Variants in DDX21 observed in about 807,000 individuals in gnomAD.
The protein encoded by DDX21 is nucleolar RNA helicase 2.
In DDX21, 18 loss-of-function variants were observed where a neutral mutation model predicts 90.0. The observed-to-expected ratio is 0.20, with a 90% confidence interval of 0.14 to 0.30. The LOEUF (loss-of-function observed/expected upper bound fraction) is 0.30. Among genes scored for constraint, DDX21 ranks in the 10% least tolerant of loss-of-function variants. The probability of loss-of-function intolerance (pLI) is 1.00; values close to 1 mark genes in which losing one functional copy is unlikely to be tolerated. For missense variants in DDX21, 673 were observed against 944.5 expected (o/e 0.71, Z 3.77); for synonymous variants, 294 against 318.0 (o/e 0.92, Z 0.80).
At chr10:68,980,719 T>A (rs1356141170) in intron 13 of DDX21, among the ~76,000 whole-genome samples, 4 of 151,706 alleles carry the variant, frequency 2.6e-5, no homozygotes, top group Non-Finnish European at 4.4e-5. Context: ...TTAAAGATGG[T>A]GTCCTGGCTA....
Position 68,956,277 on chromosome 10 carries a change from A to G in DDX21, c.52A>G (p.Lys18Glu), listed in dbSNP as rs1842792162. The change falls in exon 1 of 15, where the codon AAA (lysine) becomes GAA (glutamate). Residue 18 changes from lysine (K) to glutamate (E), a missense_variant. Coordinates refer to ENST00000354185, the MANE Select transcript of DDX21 (RefSeq NM_004728.4). ...DAGLESDTAM[K>E]KGETLRKQTE... ...TGGTTTGGAATCAGACACCGCAATG[A>G]AAAAAGGGGAGACACTGCGAAAGCA... is the stretch of plus-strand genomic sequence containing the variant. 1.2e-6 allele frequency: 2 copies of G among 1,614,134 alleles called. No homozygotes were observed.
chr10:68,970,131 A>C (rs1843001171), intron 7 of DDX21, 70 bp from the exon 8 acceptor site: 1 of 1,426,002 alleles, frequency 7.0e-7, no homozygotes, highest in African/African-American at 1.4e-5. Context: ...GTGCTCACTG[A>C]TCATTGTGTT....
intron 11 of DDX21, 142 bp downstream of exon 11, chr10:68,974,885 C>G (rs1397852231): frequency 1.7e-6 from 1 of 591,660 alleles, no homozygotes; most frequent in Non-Finnish European, 2.9e-6. Context: ...CCAGGCTGGT[C>G]TCAACTCCTG....
intron 9 of DDX21, among the ~76,000 whole-genome samples, chr10:68,973,196 A>G (rs1295258463): frequency 6.6e-6 from 1 of 152,166 alleles, no homozygotes; most frequent in Non-Finnish European, 1.5e-5. Flanking sequence ...CTCTGTCTCA[A>G]AAGAAAAAAA....
At chr10:68,980,109 G>A (rs564389000) in intron 13 of DDX21, among the ~76,000 whole-genome samples, 26 of 152,034 alleles carry the variant, frequency 1.7e-4, no homozygotes, top group Non-Finnish European at 2.5e-4. Context: ...GGATAATGGC[G>A]CATGCCTGTA....
At chr10:68,980,837 A>G (rs1056768435) in intron 13 of DDX21, among the ~76,000 whole-genome samples, 1 of 150,946 alleles carries the variant, frequency 6.6e-6, no homozygotes, top group African/African-American at 2.4e-5. Context: ...TCTACCAAAA[A>G]AAAAAAAAAA....
In DDX21 at chr10:68,969,134, C is replaced by T. The variant is rs1348433978; in HGVS notation, c.1236+13C>T. The T allele has an allele frequency of 2.5e-6, 4 of 1,599,868 alleles. No individual in the cohort carries two copies. Among genetic ancestry groups the T allele is most frequent in the Non-Finnish European group, 3.4e-6 (4 of 1,176,660 alleles). On this transcript the variant is annotated intron_variant, in intron 7 of 14. Transcript: ENST00000354185. Reference sequence around the variant, plus strand: ...AATAACTGTGGAGGTAAATTATTTACTTAGTTGCCAGAATATAAAATTGTA... The same window carrying T: ...AATAACTGTGGAGGTAAATTATTTATTTAGTTGCCAGAATATAAAATTGTA...
rs770827405 is a variant in DDX21 at position 68,977,723 on chromosome 10, A to AT, written c.1902+38dup. Reference sequence around the variant, plus strand: ...TGCAGCACATTCCTGACACTTCATAATTTGGGGTATGAGCAGGATATGAAA... The same window carrying AT: ...TGCAGCACATTCCTGACACTTCATAATTTTGGGGTATGAGCAGGATATGAAA... On this transcript the variant is annotated intron_variant, in intron 12 of 14. Coordinates refer to ENST00000354185, the MANE Select transcript of DDX21 (RefSeq NM_004728.4). 6 of 1,576,752 alleles carry AT rather than the reference A, an allele frequency of 3.8e-6. No homozygotes were observed. The African/African-American group carries it at 6.8e-5, about 18-fold the overall frequency.
At chr10:68,981,875 A>C (rs986130661) in intron 14 of DDX21, among the ~76,000 whole-genome samples, 1 of 150,522 alleles carries the variant, frequency 6.6e-6, no homozygotes, top group Non-Finnish European at 1.5e-5. Context: ...GTGTGTGTGC[A>C]TGTGTGTGTG....
intron 1 of DDX21, among the ~76,000 whole-genome samples, chr10:68,958,657 TCC>T (rs1842832717): frequency 6.6e-6 from 1 of 152,130 alleles, no homozygotes; most frequent in Non-Finnish European, 1.5e-5. Flanking sequence ...CAGGATGGTC[TCC>T]TTCTCCTGAC....
At position 68,978,995 on chromosome 10, in the gene DDX21, T is replaced by C; in HGVS notation, c.2037+19T>C. ...AAAGCTGGTAAGGCTGGGGTCTCTG[T>C]TGTAACCTTGATGGGGCTTTATGTG... On this transcript the variant is annotated intron_variant, in intron 13 of 14. Transcript: ENST00000354185. 2 of 1,613,778 alleles carry C rather than the reference T, an allele frequency of 1.2e-6. No individual in the cohort carries two copies. The highest frequency in any genetic ancestry group is 1.3e-5 in the African/African-American group (1 of 75,002).
At chr10:68,976,512 C>T (rs1843103875) in intron 11 of DDX21, among the ~76,000 whole-genome samples, 1 of 152,218 alleles carries the variant, frequency 6.6e-6, no homozygotes, top group Admixed American at 6.5e-5. Flanking sequence ...TGGTCTCAAT[C>T]TCCTGACCTC....
intron 1 of DDX21, among the ~76,000 whole-genome samples, chr10:68,958,252 G>C (rs145623488): frequency 0.046 from 7,010 of 152,006 alleles, 531 homozygotes; most frequent in African/African-American, 0.16. Flanking sequence ...GGGATTACAG[G>C]TGTGAGCCAC....
In DDX21 at chr10:68,977,655, C is replaced by A. The variant is rs751106704; in HGVS notation, c.1869C>A (p.Ser623=). ...AALAHISGAT[S]VDQRSLINSN... ...TGGCCCATATTTCAGGTGCCACGTCCGTAGACCAGCGCTCCTTGATCAACT... is the reference window on the plus strand; with the variant it reads ...TGGCCCATATTTCAGGTGCCACGTCAGTAGACCAGCGCTCCTTGATCAACT... Residue 623 remains serine (S), a synonymous_variant, in exon 12 of 15, where the codon TCC becomes TCA. Coordinates refer to ENST00000354185, the MANE Select transcript of DDX21 (RefSeq NM_004728.4). 6.2e-7 allele frequency: 1 copy of A among 1,613,254 alleles called. No homozygotes were observed. The highest frequency in any genetic ancestry group is 1.3e-5 in the African/African-American group (1 of 75,036).
intron 14 of DDX21, 119 bp from the exon 15 acceptor site, chr10:68,982,424 G>T (rs987076963): frequency 3.4e-5 from 47 of 1,376,916 alleles, no homozygotes; most frequent in Middle Eastern, 2.4e-4. Flanking sequence ...CCAGTGACTT[G>T]TTAAGCACTT....
At chr10:68,975,913 G>T (rs1843092834) in intron 11 of DDX21, among the ~76,000 whole-genome samples, 2 of 152,022 alleles carry the variant, frequency 1.3e-5, no homozygotes, top group Non-Finnish European at 2.9e-5. Context: ...GCCAGGCGTG[G>T]TTGCGCACGC....
At chr10:68,973,127 G>A (rs1485806182) in intron 9 of DDX21, among the ~76,000 whole-genome samples, 2 of 152,088 alleles carry the variant, frequency 1.3e-5, no homozygotes, top group Non-Finnish European at 2.9e-5. Context: ...CCCGGTAGGC[G>A]GAGGTTGCAG....
chr10:68,956,430 C>T, intron 1 of DDX21, 118 bp downstream of exon 1: 2 of 1,519,474 alleles, frequency 1.3e-6, no homozygotes, highest in Non-Finnish European at 1.8e-6. Context: ...CGCGTCCAGA[C>T]ACCGGGCGTG....
In DDX21 at chr10:68,969,114, C is replaced by A; in HGVS notation, c.1229C>A (p.Thr410Asn). The change falls in exon 7 of 15, where the codon ACT becomes AAT. Residue 410 changes from threonine to asparagine, a missense_variant. Transcript: ENST00000354185. Reference protein sequence around the residue: ...IGKKTQKTAITVEHLAIKCHW... With the variant: ...IGKKTQKTAINVEHLAIKCHW... ...AAAAAGACTCAGAAAACGGCAATAA[C>A]TGTGGAGGTAAATTATTTACTTAGT... The A allele has an allele frequency of 6.2e-7, 1 of 1,607,460 alleles. No individual in the cohort carries two copies. Among genetic ancestry groups the A allele is most frequent in the South Asian group, 1.1e-5 (1 of 88,956 alleles).
Sources: allele counts gnomAD v4.1 joint callset (sites outside exome capture counted in the v4.1 genomes callset), GRCh38; gene constraint gnomAD v4.1.1; transcripts MANE v1.5; gene names NCBI Gene and HGNC (gene_info 2026-07-23, HGNC 2026-07-21).